The following FAF1 variants were observed in gnomAD, a reference collection of about 807,000 sequenced individuals.
FAF1 encodes the protein Fas associated factor 1.
Under a neutral mutation model 92.5 loss-of-function variants are expected in FAF1, and 25 were observed. The observed-to-expected ratio is 0.27, with a 90% CI of 0.20 to 0.38. FAF1 has a LOEUF of 0.38. Ranked by LOEUF, FAF1 falls within the 10% of genes least tolerant of loss-of-function variation. FAF1 has a pLI of 1.00. For missense variants in FAF1, 636 were observed against 793.3 expected (o/e 0.80, Z 2.38); for synonymous variants, 234 against 273.2 (o/e 0.86, Z 1.42).
At chr1:50,595,650 C>A (rs1651764722) in intron 9 of FAF1, among the ~76,000 whole-genome samples, 3 of 152,112 alleles carry the variant, frequency 2.0e-5, no homozygotes, top group African/African-American at 4.8e-5. Context: ...TCAAGCAATT[C>A]TCATGCCTCA....
chr1:50,886,204 G>A (rs1644662388), intron 1 of FAF1, among the ~76,000 whole-genome samples: 1 of 152,158 alleles, frequency 6.6e-6, no homozygotes, highest in Non-Finnish European at 1.5e-5. Context: ...ATATCTTATT[G>A]CTCATTATCA....
chr1:50,583,553 A>G lies in FAF1; in HGVS notation c.1031+99T>C. On this transcript the variant is annotated intron_variant, in intron 11 of 18. Transcript: ENST00000396153. This position sits in a 1 kb window ranked among gnomAD's most constrained non-coding sequence, Gnocchi z 4.2. ...AACAAGTATATCCTTTGAATACTTT[A>G]AGGAGAAACTTTAAACAATCTATAA... 2 of 687,984 alleles carry G rather than the reference A, an allele frequency of 2.9e-6. No individual in the cohort carries two copies. Among genetic ancestry groups the G allele is most frequent in the Non-Finnish European group, 4.8e-6 (2 of 418,606 alleles). 42.6% of individuals were successfully genotyped at this position (687,984 alleles called of 1,614,324 possible).
intron 3 of FAF1, among the ~76,000 whole-genome samples, chr1:50,798,608 T>A (rs1257495177): frequency 6.6e-6 from 1 of 152,248 alleles, no homozygotes; most frequent in South Asian, 2.1e-4. Context: ...ACACATAGTA[T>A]GCTGTGTTAG....
chr1:50,652,164 G>A (rs931950144), intron 8 of FAF1, among the ~76,000 whole-genome samples: 4 of 152,136 alleles, frequency 2.6e-5, no homozygotes, highest in African/African-American at 7.2e-5. Context: ...CCTCTTAATA[G>A]GGATTCCCTC....
At chr1:50,919,529 C>T (rs1644946223) in intron 1 of FAF1, among the ~76,000 whole-genome samples, 1 of 149,518 alleles carries the variant, frequency 6.7e-6, no homozygotes. Context: ...GCTCTGTTGT[C>T]CAGGCTGGAG....
chr1:50,792,597 A>T (rs1055498187), intron 3 of FAF1, among the ~76,000 whole-genome samples: 13 of 152,240 alleles, frequency 8.5e-5, no homozygotes, highest in Non-Finnish European at 4.4e-5. Context: ...ATAGATGCTT[A>T]AAGAAACAGG....
intron 8 of FAF1, among the ~76,000 whole-genome samples, chr1:50,625,849 G>A (rs1392629341): frequency 6.6e-6 from 1 of 152,132 alleles, no homozygotes; most frequent in African/African-American, 2.4e-5. Flanking sequence ...CAAGTAATAA[G>A]ATGCAAATGC....
At chr1:50,747,960 C>G (rs1659694335) in intron 4 of FAF1, among the ~76,000 whole-genome samples, 1 of 152,202 alleles carries the variant, frequency 6.6e-6, no homozygotes. Flanking sequence ...TGAAGCCTCC[C>G]CAGAAGTAGA....
At chr1:50,500,829 T>C (rs995614792) in intron 15 of FAF1, among the ~76,000 whole-genome samples, 2 of 152,142 alleles carry the variant, frequency 1.3e-5, no homozygotes, top group East Asian at 1.9e-4. Flanking sequence ...GTGAGGTATG[T>C]AGAAGACAAA....
chr1:50,948,524 TTTTC>T lies in FAF1; in HGVS notation c.45+11239_45+11242del, dbSNP rs1214293012. ...GATCTCAGACTCTTATTTCTTTTTC[TTTTC>T]TTTTTCTTTTTTTTTTTTTTTTGAG... On this transcript the variant is annotated intron_variant, in intron 1 of 18. Coordinates refer to ENST00000396153, the MANE Select transcript of FAF1 (RefSeq NM_007051.3). Among the ~76,000 whole-genome samples, 26 of 150,412 alleles carry T rather than the reference TTTTC, an allele frequency of 1.7e-4. 1 individual carries two copies. The highest frequency in any genetic ancestry group is 5.4e-4 in the African/African-American group (22 of 40,658).
In FAF1 at chr1:50,792,220, C is replaced by T. The variant is rs187700875; in HGVS notation, c.162-4015G>A. Among the ~76,000 whole-genome samples the T allele has an allele frequency of 5.7e-3, 871 of 152,268 alleles. 3 individuals carry two copies. The highest frequency in any genetic ancestry group is 0.017 in the Middle Eastern group (5 of 294). On this transcript the variant is annotated intron_variant, in intron 3 of 18. Coordinates refer to ENST00000396153, the MANE Select transcript of FAF1 (RefSeq NM_007051.3). Reference sequence around the variant, plus strand: ...TTTTAACTTTCAGCTCAGGTCATGACAAGATAGCTACAAAATTTTAAAAAT... The same window carrying T: ...TTTTAACTTTCAGCTCAGGTCATGATAAGATAGCTACAAAATTTTAAAAAT...
chr1:50,880,630 G>T (rs1428025354), intron 1 of FAF1, among the ~76,000 whole-genome samples: 1 of 152,164 alleles, frequency 6.6e-6, no homozygotes, highest in South Asian at 2.1e-4. Flanking sequence ...CGCTAGAAAT[G>T]ATATCATGTG....
chr1:50,513,490 CA>C (rs1021273026), intron 15 of FAF1, among the ~76,000 whole-genome samples: 33 of 150,178 alleles, frequency 2.2e-4, no homozygotes, highest in East Asian at 3.9e-4. Context: ...GACTCTGTCT[CA>C]AAAAAAAAGA....
chr1:50,531,057 C>T (rs529231548), intron 15 of FAF1, among the ~76,000 whole-genome samples: 1 of 152,326 alleles, frequency 6.6e-6, no homozygotes, highest in African/African-American at 2.4e-5. Flanking sequence ...ATCTTCCCTA[C>T]AGTGTGGCAA....
chr1:50,787,041 T>C (rs554010099), intron 4 of FAF1, among the ~76,000 whole-genome samples: 1 of 151,792 alleles, frequency 6.6e-6, no homozygotes, highest in Non-Finnish European at 1.5e-5. Flanking sequence ...AGAATTCAGA[T>C]TTAAGGTAAA....
chr1:50,738,915 G>C lies in FAF1; in HGVS notation c.499C>G (p.Leu167Val), dbSNP rs1027095593. 3 of 1,609,612 alleles carry C rather than the reference G, an allele frequency of 1.9e-6. No individual in the cohort carries two copies. Among genetic ancestry groups the C allele is most frequent in the Non-Finnish European group, 2.5e-6 (3 of 1,177,474 alleles). ...GGCAAATCTGGTGTAAGGACATAAA[G>C]ACTGTTGTTTTTTGGCAAGTGTAGA... ...KSLHLPKNNS[L>V]YVLTPDLPPP... Residue 167 changes from leucine (L) to valine (V), a missense_variant, in exon 6 of 19, where the codon CTT (leucine) becomes GTT (valine). Around this residue, in one of 2 missense-constraint regions of FAF1, gnomAD observed 317 missense variants for 342.4 expected, o/e 0.93. Coordinates refer to ENST00000396153, the MANE Select transcript of FAF1 (RefSeq NM_007051.3).
intron 3 of FAF1, among the ~76,000 whole-genome samples, chr1:50,792,675 G>T (rs1661606906): frequency 6.6e-6 from 1 of 152,174 alleles, no homozygotes; most frequent in Non-Finnish European, 1.5e-5. Flanking sequence ...CATCCATGAG[G>T]TCCTGGAGGA....
chr1:50,676,329 C>T (rs1242231282), intron 7 of FAF1, among the ~76,000 whole-genome samples: 2 of 150,250 alleles, frequency 1.3e-5, no homozygotes, highest in Non-Finnish European at 3.0e-5. Context: ...ATTGCTTGAA[C>T]CCAGGAGGTG....
intron 1 of FAF1, among the ~76,000 whole-genome samples, chr1:50,938,005 T>C (rs1192454075): frequency 6.6e-6 from 1 of 152,228 alleles, no homozygotes; most frequent in African/African-American, 2.4e-5. Context: ...CCTCAGTACA[T>C]ACTGATTTAA....
Sources: gnomAD v4.1 joint callset for allele counts (sites outside exome capture counted in the v4.1 genomes callset) on GRCh38, gnomAD v4.1.1 for gene constraint, gnomAD v4.1.1 regional missense constraint, Gnocchi (gnomAD v3.1) non-coding constraint, MANE v1.5 for transcripts, NCBI Gene and HGNC (gene_info 2026-07-23, HGNC 2026-07-21) for gene names.